The following ELP4 variants were observed in gnomAD, a reference collection of about 807,000 sequenced individuals.
The protein encoded by ELP4 is elongator acetyltransferase complex subunit 4, also known as elongator complex protein 4.
Under a neutral mutation model 48.9 loss-of-function variants are expected in ELP4, and 51 were observed. The observed-to-expected ratio is 1.04, with a 90% confidence interval of 0.83 to 1.32. The LOEUF is 1.32. Ranked by LOEUF, ELP4 falls within the 40% of genes most tolerant of loss-of-function variation. The pLI is 0.00. For missense variants in ELP4, 519 were observed against 514.6 expected (o/e 1.01, Z -0.08); for synonymous variants, 210 against 189.2 (o/e 1.11, Z -0.90).
intron 9 of ELP4, among the ~76,000 whole-genome samples, chr11:31,683,705 A>T (rs1352995668): frequency 6.6e-6 from 1 of 152,214 alleles, no homozygotes; most frequent in Non-Finnish European, 1.5e-5. Context: ...AGAGATACAA[A>T]AATAAGACAT....
chr11:31,696,171 G>A (rs1946401159), intron 9 of ELP4, among the ~76,000 whole-genome samples: 1 of 151,818 alleles, frequency 6.6e-6, no homozygotes, highest in Non-Finnish European at 1.5e-5. Flanking sequence ...ATCTCCTTCT[G>A]TTCTGCTCTT....
At chr11:31,583,345 G>A (rs1957421749) in intron 3 of ELP4, among the ~76,000 whole-genome samples, 1 of 152,104 alleles carries the variant, frequency 6.6e-6, no homozygotes, top group South Asian at 2.1e-4. Context: ...TGCAAAGGAT[G>A]TTTATGTTAT....
chr11:31,777,259 C>T (rs1948269085), intron 9 of ELP4, among the ~76,000 whole-genome samples: 1 of 152,034 alleles, frequency 6.6e-6, no homozygotes, highest in Non-Finnish European at 1.5e-5. Flanking sequence ...AGTCTGTCTC[C>T]TCCCCTCCAT....
intron 9 of ELP4, among the ~76,000 whole-genome samples, chr11:31,718,527 C>T (rs1019555146): frequency 1.3e-5 from 2 of 152,112 alleles, no homozygotes; most frequent in African/African-American, 4.8e-5. Context: ...TTCCATGGTA[C>T]CTAGGTACTC....
intron 2 of ELP4, among the ~76,000 whole-genome samples, chr11:31,528,029 A>G (rs1316627823): frequency 6.6e-6 from 1 of 151,918 alleles, no homozygotes; most frequent in East Asian, 1.9e-4. Context: ...TTGTTTTTGA[A>G]GTCCCCAGTT....
In ELP4 at chr11:31,625,785, C is replaced by T. The variant is rs192984810; in HGVS notation, c.654-1325C>T. Among the ~76,000 whole-genome samples the T allele has an allele frequency of 5.5e-3, 829 of 151,850 alleles. 5 individuals carry two copies. The highest frequency in any genetic ancestry group is 9.3e-3 in the Non-Finnish European group (631 of 67,808). Reference sequence around the variant, plus strand: ...ATCCAGATTAGAATTGAATCTACTGCACTATGTTCTGAAAAGTTGATCTAG... The same window carrying T: ...ATCCAGATTAGAATTGAATCTACTGTACTATGTTCTGAAAAGTTGATCTAG... On this transcript the variant is annotated intron_variant, in intron 5 of 9. Coordinates refer to ENST00000640961, the MANE Select transcript of ELP4 (RefSeq NM_019040.5).
intron 9 of ELP4, among the ~76,000 whole-genome samples, chr11:31,753,681 A>G (rs1192235470): frequency 6.6e-6 from 1 of 152,244 alleles, no homozygotes; most frequent in Non-Finnish European, 1.5e-5. Flanking sequence ...AGAAAAGTAA[A>G]AGAATGTTGA....
chr11:31,520,577 C>G (rs2133879273), intron 2 of ELP4, among the ~76,000 whole-genome samples: 1 of 152,008 alleles, frequency 6.6e-6, no homozygotes, highest in East Asian at 1.9e-4. Flanking sequence ...TAATTGCCTT[C>G]CTTCTTTTTT....
intron 3 of ELP4, among the ~76,000 whole-genome samples, chr11:31,570,816 G>A (rs373778115): frequency 1.1e-4 from 1 of 8,930 alleles, no homozygotes; most frequent in East Asian, 2.1e-3. Context: ...TTTTTTTTTT[G>A]TGAGACAGAG....
intron 9 of ELP4, among the ~76,000 whole-genome samples, chr11:31,676,700 G>C (rs559198148): frequency 1.5e-4 from 23 of 152,256 alleles, no homozygotes; most frequent in African/African-American, 5.3e-4. Context: ...TAGGCACTTT[G>C]CTGGTATTAT....
chr11:31,745,999 A>G (rs1223539954), intron 9 of ELP4, among the ~76,000 whole-genome samples: 2 of 152,216 alleles, frequency 1.3e-5, no homozygotes, highest in African/African-American at 2.4e-5. Flanking sequence ...TCATCTGACA[A>G]AGGGCTGATA....
chr11:31,575,663 A>G (rs932575139), intron 3 of ELP4, among the ~76,000 whole-genome samples: 3 of 152,234 alleles, frequency 2.0e-5, no homozygotes, highest in Non-Finnish European at 2.9e-5. Flanking sequence ...AGAATATTCA[A>G]CCCAGAATTT....
intron 1 of ELP4, among the ~76,000 whole-genome samples, chr11:31,518,678 C>T (rs902643638): frequency 2.0e-5 from 3 of 151,328 alleles, no homozygotes; most frequent in Admixed American, 6.6e-5. Context: ...AGGTGAATCA[C>T]GAGGTCAGGA....
chr11:31,542,452 A>C (rs1232907636), intron 3 of ELP4, among the ~76,000 whole-genome samples: 1 of 152,172 alleles, frequency 6.6e-6, no homozygotes, highest in Non-Finnish European at 1.5e-5. Flanking sequence ...AGAAAGAACT[A>C]CCTGACAATA....
At chr11:31,740,914 C>T (rs972268569) in intron 9 of ELP4, among the ~76,000 whole-genome samples, 2 of 152,216 alleles carry the variant, frequency 1.3e-5, no homozygotes, top group African/African-American at 4.8e-5. Context: ...GTGCAGCGCA[C>T]CGTGCGTGAG....
intron 3 of ELP4, among the ~76,000 whole-genome samples, chr11:31,546,311 CA>C (rs1300814126): frequency 6.6e-6 from 1 of 151,330 alleles, no homozygotes; most frequent in Non-Finnish European, 1.5e-5. Flanking sequence ...AAATGGAAAA[CA>C]AAAAAAGGCA....
intron 9 of ELP4, among the ~76,000 whole-genome samples, chr11:31,749,083 A>C (rs761491650): frequency 5.1e-4 from 77 of 152,196 alleles, no homozygotes; most frequent in South Asian, 1.0e-3. Context: ...GAGAGAAGAA[A>C]GTTTGTACTG....
chr11:31,745,147 C>T (rs1048747965), intron 9 of ELP4, among the ~76,000 whole-genome samples: 4 of 152,094 alleles, frequency 2.6e-5, no homozygotes, highest in African/African-American at 9.7e-5. Context: ...ACAACTGCTT[C>T]AAAGAGAATA....
chr11:31,784,300 CAA>C lies in ELP4; in HGVS notation c.*778_*779del, dbSNP rs1186131797. On this transcript the variant is annotated 3_prime_UTR_variant, in exon 10 of 10. Transcript: ENST00000640961. ...GATTTTACAGAACATAGGTCTGAGA[CAA>C]AGTGAAAAAATGAAACTAACTCAGA... The C allele has an allele frequency of 6.6e-6, 1 of 151,978 alleles. No individual in the cohort carries two copies. The highest frequency in any genetic ancestry group is 2.4e-5 in the African/African-American group (1 of 41,394). 9.4% of individuals were successfully genotyped at this position (151,978 alleles called of 1,614,324 possible). A position where few individuals can be genotyped will look rare whatever the true frequency, so the allele number is the denominator to read the frequency against.
Sources: allele counts gnomAD v4.1 joint callset (sites outside exome capture counted in the v4.1 genomes callset), GRCh38; gene constraint gnomAD v4.1.1; transcripts MANE v1.5; gene names NCBI Gene and HGNC (gene_info 2026-07-23, HGNC 2026-07-21).